Variants in ZFR2 observed in about 807,000 individuals in gnomAD.
ZFR2 encodes the protein zinc finger RNA-binding protein 2.
ZFR2 carries 104 observed loss-of-function variants against 105.7 expected under a neutral mutation model. The observed-to-expected ratio is 0.98, with a 90% CI of 0.84 to 1.16. The LOEUF is 1.16. Ranked by LOEUF, ZFR2 falls within the 50% of genes most tolerant of loss-of-function variation. The pLI is 0.00. For missense variants in ZFR2, 1,425 were observed against 1,355.5 expected, an observed-to-expected ratio of 1.05 and a Z score of -0.80; for synonymous variants, 634 against 597.7, an observed-to-expected ratio of 1.06 and a Z score of -0.89.
chr19:3,813,700 G>C lies in ZFR2; in HGVS notation c.2242+120C>G, dbSNP rs530474254. 22 of 1,379,792 alleles carry C rather than the reference G, an allele frequency of 1.6e-5. No homozygotes were observed. The highest frequency in any genetic ancestry group is 2.2e-5 in the Non-Finnish European group (22 of 1,009,854). 85.5% of individuals were successfully genotyped at this position (1,379,792 alleles called of 1,614,324 possible). A position where few individuals can be genotyped will look rare whatever the true frequency, so the allele number is the denominator to read the frequency against. ...CTCAGGGGGACAGCAGTGCTGGAGC[G>C]TGGCTGCTGTGGCATTTCCTGCTCA... On this transcript the variant is annotated intron_variant, in intron 14 of 18. Coordinates refer to ENST00000262961, the MANE Select transcript of ZFR2 (RefSeq NM_015174.2). The surrounding 1 kb of genome is among the most constrained non-coding windows in gnomAD (Gnocchi z 4.4).
intron 1 of ZFR2, among the ~76,000 whole-genome samples, chr19:3,853,220 C>A (rs2038260197): frequency 6.6e-6 from 1 of 152,194 alleles, no homozygotes; most frequent in East Asian, 1.9e-4. Context: ...GCTGCTTCTG[C>A]CAGGTCTCAG....
At chr19:3,842,816 G>A (rs1484644750) in intron 1 of ZFR2, among the ~76,000 whole-genome samples, 2 of 151,754 alleles carry the variant, frequency 1.3e-5, no homozygotes, top group East Asian at 3.9e-4. Context: ...GTAGAGATGG[G>A]GTTTCACCAT....
At chr19:3,826,923 T>C (rs2037956994) in intron 6 of ZFR2, among the ~76,000 whole-genome samples, 1 of 152,172 alleles carries the variant, frequency 6.6e-6, no homozygotes, top group Non-Finnish European at 1.5e-5. Context: ...CATGTTTTTG[T>C]GCAATGAGCA....
chr19:3,805,984 T>G lies in ZFR2; in HGVS notation c.2785A>C (p.Lys929Gln). The G allele has an allele frequency of 3.9e-6, 6 of 1,543,370 alleles. No individual in the cohort carries two copies. The highest frequency in any genetic ancestry group is 5.2e-6 in the Non-Finnish European group (6 of 1,146,722). ...GEGEEGAGEK[K>Q]RGRRGGEGLV Reference sequence around the variant, plus strand: ...CCCTCTCCGCCCCGCCGGCCCCGCTTCTTCTCCCCTGCGCCCTCCTCTCCC... The same window carrying G: ...CCCTCTCCGCCCCGCCGGCCCCGCTGCTTCTCCCCTGCGCCCTCCTCTCCC... The change falls in exon 19 of 19, where the codon AAG becomes CAG. Residue 929 changes from lysine (K) to glutamine (Q), a missense_variant. By Grantham distance (53) the Lys-to-Gln change is moderately conservative. Transcript: ENST00000262961.
intron 9 of ZFR2, 83 bp downstream of exon 9, chr19:3,821,998 G>A (rs185125640): frequency 7.0e-5 from 105 of 1,495,074 alleles, no homozygotes; most frequent in Admixed American, 3.4e-4. Context: ...ACGCGCGGAA[G>A]AGGCCCGACC....
Position 3,813,944 on chromosome 19 carries a change from A to C in ZFR2, c.2118T>G (p.Asp706Glu). 1.2e-6 allele frequency: 2 copies of C among 1,613,820 alleles called. No homozygotes were observed. Among genetic ancestry groups the C allele is most frequent in the South Asian group, 2.2e-5 (2 of 91,072 alleles). Residue 706 changes from aspartate to glutamate, a missense_variant, in exon 14 of 19, where the codon GAT becomes GAG. Physicochemically the swap from Asp to Glu is conservative, Grantham distance 45. Coordinates refer to ENST00000262961, the MANE Select transcript of ZFR2 (RefSeq NM_015174.2). The surrounding 1 kb of genome is among the most constrained non-coding windows in gnomAD (Gnocchi z 4.4). ...CAGGGTCGGAGGAGACCTCATACTC[A>C]TCCTCGGTCACCATCTGGGAGGGGT... ...LPRQLQMVTE[D>E]EYEVSSDPEA...
At chr19:3,841,932 G>A (rs1239244279) in intron 1 of ZFR2, among the ~76,000 whole-genome samples, 1 of 152,000 alleles carries the variant, frequency 6.6e-6, no homozygotes, top group African/African-American at 2.4e-5. Context: ...GATTACAAGC[G>A]TGAGCCACTG....
At chr19:3,827,433 C>G in intron 6 of ZFR2, 38 bp downstream of exon 6, 1 of 1,490,080 alleles carries the variant, frequency 6.7e-7, no homozygotes, top group Non-Finnish European at 8.9e-7. Context: ...GGGGCCTTCT[C>G]CCCAGGGTGG....
intron 6 of ZFR2, 147 bp downstream of exon 6, chr19:3,827,324 C>T: frequency 1.1e-6 from 1 of 875,068 alleles, no homozygotes; most frequent in Non-Finnish European, 1.6e-6. Flanking sequence ...ACGCATGGGC[C>T]TGGGCGGCTG....
chr19:3,857,584 C>G (rs914880084), intron 1 of ZFR2, among the ~76,000 whole-genome samples: 1 of 149,450 alleles, frequency 6.7e-6, no homozygotes, highest in Non-Finnish European at 1.5e-5. Context: ...GTCCCAGCTA[C>G]TCAGGAGGCA....
intron 14 of ZFR2, 113 bp from the exon 15 acceptor site, chr19:3,811,479 C>T: frequency 6.4e-6 from 6 of 933,216 alleles, no homozygotes; most frequent in Non-Finnish European, 9.6e-6. Flanking sequence ...TTTTGAGACA[C>T]AGTTTCACTG....
chr19:3,837,327 GACACCATGACACAGACACCCGATGA>G (rs938217257), intron 1 of ZFR2, among the ~76,000 whole-genome samples: 1 of 151,816 alleles, frequency 6.6e-6, no homozygotes, highest in Non-Finnish European at 1.5e-5. Flanking sequence ...ACACTTGATG[GACACCATGACACAGACACCCGATGA>G]ACACCATGAC....
chr19:3,828,516 C>T (rs763493261), intron 5 of ZFR2, among the ~76,000 whole-genome samples: 8 of 152,138 alleles, frequency 5.3e-5, no homozygotes, highest in South Asian at 4.1e-4. Context: ...ACCTGCTGCC[C>T]GAAGGATAGT....
At chr19:3,833,625 G>T in intron 3 of ZFR2, 39 bp downstream of exon 3, 1 of 1,456,028 alleles carries the variant, frequency 6.9e-7, no homozygotes. Flanking sequence ...TGCGGGGAGC[G>T]TCTCCTCGTT....
At chr19:3,851,631 A>G (rs1275566807) in intron 1 of ZFR2, among the ~76,000 whole-genome samples, 1 of 152,156 alleles carries the variant, frequency 6.6e-6, no homozygotes, top group Non-Finnish European at 1.5e-5. Flanking sequence ...TTAGGGGAGG[A>G]AGGGAGGGGA....
intron 1 of ZFR2, among the ~76,000 whole-genome samples, chr19:3,843,642 C>G (rs2038156098): frequency 6.6e-6 from 1 of 151,938 alleles, no homozygotes; most frequent in Non-Finnish European, 1.5e-5. Context: ...ACCATCCTGG[C>G]TAACATGGTG....
intron 5 of ZFR2, among the ~76,000 whole-genome samples, chr19:3,830,277 T>C (rs572841877): frequency 1.5e-4 from 23 of 152,106 alleles, no homozygotes; most frequent in Admixed American, 4.6e-4. Flanking sequence ...CCATCTCTAT[T>C]GAAAATTTAA....
At chr19:3,807,638 T>C (rs921171995) in intron 17 of ZFR2, among the ~76,000 whole-genome samples, 4 of 151,290 alleles carry the variant, frequency 2.6e-5, no homozygotes, top group East Asian at 2.0e-4. Context: ...CATGTGTGCC[T>C]GTGTGTGCAT....
chr19:3,816,427 G>A (rs1001335624), intron 13 of ZFR2, among the ~76,000 whole-genome samples: 9 of 151,396 alleles, frequency 5.9e-5, no homozygotes, highest in African/African-American at 2.2e-4. Context: ...TGTATTTTTA[G>A]TAGAGACGGT....
Sources: gnomAD v4.1 joint callset for allele counts (sites outside exome capture counted in the v4.1 genomes callset) on GRCh38, gnomAD v4.1.1 for gene constraint, Gnocchi (gnomAD v3.1) non-coding constraint, MANE v1.5 for transcripts, NCBI Gene and HGNC (gene_info 2026-07-23, HGNC 2026-07-21) for gene names.